RGS6: variants seen among roughly 807,000 people sequenced by gnomAD.
The protein encoded by RGS6 is regulator of G protein signaling 6.
Under a neutral mutation model 78.5 loss-of-function variants are expected in RGS6, and 30 were observed. The observed-to-expected ratio is 0.38, with a 90% CI of 0.29 to 0.52. RGS6 has a LOEUF of 0.52. RGS6 is among the 20% of genes least tolerant of loss of function. The pLI is 0.85. For synonymous variants in RGS6, 206 were observed against 206.0 expected (o/e 1.00, Z 0.00); for missense variants, 495 against 609.7 (o/e 0.81, Z 1.98).
intron 1 of RGS6, among the ~76,000 whole-genome samples, chr14:71,950,534 A>T (rs1399737028): frequency 5.3e-5 from 8 of 152,224 alleles, no homozygotes; most frequent in African/African-American, 1.7e-4. Context: ...TGACAAAAAC[A>T]TCAAAAGCAA....
intron 2 of RGS6, among the ~76,000 whole-genome samples, chr14:72,224,704 C>G (rs1043981365): frequency 2.6e-5 from 4 of 152,054 alleles, no homozygotes; most frequent in Non-Finnish European, 5.9e-5. Flanking sequence ...ACTTGATTCC[C>G]ACAAATGTGT....
chr14:72,543,883 A>C (rs1348395762), intron 17 of RGS6, among the ~76,000 whole-genome samples: 2 of 152,128 alleles, frequency 1.3e-5, no homozygotes, highest in Non-Finnish European at 2.9e-5. Flanking sequence ...TTACAGGCAC[A>C]CGCCACCACA....
intron 2 of RGS6, among the ~76,000 whole-genome samples, chr14:72,028,949 T>C (rs1474290253): frequency 6.6e-6 from 1 of 152,264 alleles, no homozygotes; most frequent in Non-Finnish European, 1.5e-5. Context: ...AGAATCTCCA[T>C]AACACATTAG....
chr14:72,503,297 C>T (rs778140860), intron 13 of RGS6, among the ~76,000 whole-genome samples: 3 of 152,220 alleles, frequency 2.0e-5, no homozygotes, highest in Non-Finnish European at 4.4e-5. Flanking sequence ...CAGTCCACAA[C>T]ATTCTACCTC....
chr14:72,061,819 C>T (rs776048161), intron 2 of RGS6, among the ~76,000 whole-genome samples: 9 of 152,096 alleles, frequency 5.9e-5, no homozygotes, highest in African/African-American at 1.2e-4. Context: ...TATGTGGGGA[C>T]GACACATACT....
chr14:72,220,174 A>T (rs565775551), intron 2 of RGS6, among the ~76,000 whole-genome samples: 1 of 152,242 alleles, frequency 6.6e-6, no homozygotes, highest in African/African-American at 2.4e-5. Context: ...ACAGCTAACC[A>T]AGGAGGTGAA....
intron 2 of RGS6, among the ~76,000 whole-genome samples, chr14:72,346,077 T>C (rs766928877): frequency 6.6e-6 from 1 of 152,216 alleles, no homozygotes; most frequent in Non-Finnish European, 1.5e-5. Flanking sequence ...CAGTCATTAG[T>C]AGCTAGAAAC....
intron 13 of RGS6, among the ~76,000 whole-genome samples, chr14:72,509,100 C>T (rs894962404): frequency 6.6e-6 from 1 of 152,108 alleles, no homozygotes; most frequent in South Asian, 2.1e-4. Context: ...TGCAGTGGCT[C>T]ACACCTGTAA....
At chr14:72,424,768 G>A (rs7153455) in intron 3 of RGS6, among the ~76,000 whole-genome samples, 107,336 of 152,104 alleles carry the variant, frequency 0.71, 38,280 homozygotes, top group East Asian at 0.97. Flanking sequence ...TTCATTGTAA[G>A]ATGCCATCAG....
chr14:72,462,015 A>G (rs1163717830), intron 6 of RGS6, among the ~76,000 whole-genome samples: 1 of 152,150 alleles, frequency 6.6e-6, no homozygotes, highest in Non-Finnish European at 1.5e-5. Context: ...GTTGGTTGAT[A>G]TTATTATGAC....
Position 72,465,894 on chromosome 14 carries a change from AT to A in RGS6, c.459+82del, listed in dbSNP as rs573220577. ...CATATCTGCAGCTCCGTCTAAGTTT[AT>A]TTTTTTTTTCTTTTGTCCCCCTTTT... On this transcript the variant is annotated intron_variant, in intron 7 of 17. Transcript: ENST00000553525. 2.5e-3 allele frequency: 2,955 copies of A among 1,190,612 alleles called. 5 individuals carry two copies. Among genetic ancestry groups the A allele is most frequent in the African/African-American group, 0.013 (837 of 63,994 alleles). The allele number at this position is 1,190,612 out of a possible 1,614,324, so 73.8% of individuals were successfully genotyped here.
chr14:72,404,502 C>A (rs372828083), intron 3 of RGS6, among the ~76,000 whole-genome samples: 1 of 152,168 alleles, frequency 6.6e-6, no homozygotes, highest in Non-Finnish European at 1.5e-5. Flanking sequence ...TGCTGCCAAC[C>A]ATTATGTGGT....
At chr14:71,935,077 A>C (rs943726169) in intron 1 of RGS6, among the ~76,000 whole-genome samples, 6 of 152,216 alleles carry the variant, frequency 3.9e-5, no homozygotes, top group African/African-American at 1.4e-4. Flanking sequence ...GCTGGAAGGA[A>C]TATATTTACC....
chr14:72,613,738 T>C, the RGS6 span, among the ~76,000 whole-genome samples: 5 of 152,184 alleles, frequency 3.3e-5, no homozygotes, highest in Admixed American at 2.0e-4. Flanking sequence ...GGTACGGAAC[T>C]GGCAAGCCCG....
intron 2 of RGS6, among the ~76,000 whole-genome samples, chr14:72,062,167 A>G (rs569303202): frequency 6.6e-6 from 1 of 152,258 alleles, no homozygotes; most frequent in Admixed American, 6.5e-5. Context: ...TGAAGAAAGC[A>G]GGGAGAAAAG....
intron 2 of RGS6, among the ~76,000 whole-genome samples, chr14:72,232,523 T>C (rs1331594980): frequency 6.6e-6 from 1 of 152,190 alleles, no homozygotes; most frequent in Non-Finnish European, 1.5e-5. Flanking sequence ...TGTCAGGACA[T>C]AGTTTATGTA....
chr14:72,528,878 G>T (rs980998331), intron 15 of RGS6, among the ~76,000 whole-genome samples: 2 of 152,118 alleles, frequency 1.3e-5, no homozygotes, highest in African/African-American at 4.8e-5. Flanking sequence ...TGCAGAATAG[G>T]GGAAACAAAC....
At chr14:72,052,688 T>C (rs1455861716) in intron 2 of RGS6, among the ~76,000 whole-genome samples, 1 of 152,182 alleles carries the variant, frequency 6.6e-6, no homozygotes, top group East Asian at 1.9e-4. Flanking sequence ...AGTGATTAAA[T>C]AGCAAGTTCA....
chr14:72,384,971 C>T (rs1237205288), intron 3 of RGS6, among the ~76,000 whole-genome samples: 1 of 152,082 alleles, frequency 6.6e-6, no homozygotes. Context: ...AGGCTGGTCT[C>T]GAACTCCTGA....
Sources: gnomAD v4.1 joint callset for allele counts (sites outside exome capture counted in the v4.1 genomes callset) on GRCh38, gnomAD v4.1.1 for gene constraint, MANE v1.5 for transcripts, NCBI Gene and HGNC (gene_info 2026-07-23, HGNC 2026-07-21) for gene names.